Variants in APBA2 observed in about 807,000 individuals in gnomAD.
The protein encoded by APBA2 is amyloid-beta A4 precursor protein-binding family A member 2.
In APBA2, 30 loss-of-function variants were observed where a neutral mutation model predicts 75.0. The observed-to-expected ratio is 0.40, with a 90% CI of 0.30 to 0.54. The LOEUF is 0.54. Among genes scored for constraint, APBA2 ranks in the 20% least tolerant of loss-of-function variants. APBA2 has a pLI of 0.49. For missense variants in APBA2, 801 were observed against 1,016.1 expected, an observed-to-expected ratio of 0.79 and a Z score of 2.88; for synonymous variants, 444 against 409.6, an observed-to-expected ratio of 1.08 and a Z score of -1.01.
At chr15:28,958,612 C>T (rs565553228) in intron 2 of APBA2, among the ~76,000 whole-genome samples, 7 of 152,264 alleles carry the variant, frequency 4.6e-5, no homozygotes, top group African/African-American at 1.4e-4. Context: ...CTGGCTTGTG[C>T]GTGTCTGAGG....
intron 5 of APBA2, among the ~76,000 whole-genome samples, chr15:29,075,477 A>G (rs2042810994): frequency 6.6e-6 from 1 of 152,056 alleles, no homozygotes; most frequent in Non-Finnish European, 1.5e-5. Flanking sequence ...CCCCATCCCC[A>G]TCCCTGATTT....
At chr15:29,076,162 T>A (rs2042840789) in intron 6 of APBA2, 71 bp downstream of exon 6, 2 of 1,511,976 alleles carry the variant, frequency 1.3e-6, no homozygotes, top group African/African-American at 2.7e-5. Context: ...TGCTTTTAGT[T>A]TGGGCATTCA....
chr15:29,025,961 A>AG (rs1325480279), intron 3 of APBA2, among the ~76,000 whole-genome samples: 2 of 144,600 alleles, frequency 1.4e-5, no homozygotes, highest in African/African-American at 4.9e-5. Flanking sequence ...AAAAAAAAAA[A>AG]AAAAGAAAAG....
At chr15:28,928,464 G>T (rs1429955383) in intron 2 of APBA2, among the ~76,000 whole-genome samples, 4 of 152,150 alleles carry the variant, frequency 2.6e-5, no homozygotes. Context: ...TGTTGGTGTA[G>T]TTGTAGGGTG....
chr15:28,890,944 A>T (rs1226117119), intron 1 of APBA2, among the ~76,000 whole-genome samples: 1 of 152,152 alleles, frequency 6.6e-6, no homozygotes, highest in African/African-American at 2.4e-5. Flanking sequence ...GCACGTCATA[A>T]ACTCTAAGGG....
chr15:28,888,055 CCTTG>C (rs1210054936), intron 1 of APBA2, among the ~76,000 whole-genome samples: 1 of 152,168 alleles, frequency 6.6e-6, no homozygotes, highest in Admixed American at 6.5e-5. Context: ...TTCTCTTCCA[CCTTG>C]CATGTTTTCT....
rs528118954 is a variant in APBA2 at position 28,926,240 on chromosome 15, A to G, written c.-95+4491A>G. Among the ~76,000 whole-genome samples, 3 of 152,138 alleles carry G rather than the reference A, an allele frequency of 2.0e-5. No individual in the cohort carries two copies. The East Asian group carries it at 5.8e-4, about 29-fold the overall frequency. ...TAACTGTCTTCTGTACTTGCCAGAG[A>G]CTTCTTTTTCTCTCTCCTCTGGTTT... On this transcript the variant is annotated intron_variant, in intron 2 of 14. Coordinates refer to ENST00000683413, the MANE Select transcript of APBA2 (RefSeq NM_001353788.2).
chr15:28,940,916 T>C (rs560669972), intron 2 of APBA2, among the ~76,000 whole-genome samples: 1 of 152,254 alleles, frequency 6.6e-6, no homozygotes, highest in African/African-American at 2.4e-5. Flanking sequence ...TCCACGAGGA[T>C]AGTGTTAAAA....
intron 2 of APBA2, among the ~76,000 whole-genome samples, chr15:28,940,716 T>C (rs60881862): frequency 2.6e-5 from 4 of 152,150 alleles, no homozygotes; most frequent in African/African-American, 9.6e-5. Context: ...TGTCTTGAAA[T>C]TCAGTTTTCT....
At chr15:29,012,722 C>T (rs1409333947) in intron 3 of APBA2, among the ~76,000 whole-genome samples, 1 of 152,138 alleles carries the variant, frequency 6.6e-6, no homozygotes, top group Non-Finnish European at 1.5e-5. Context: ...GTGGACTCAC[C>T]CCTCTGTGTT....
chr15:29,051,722 A>T (rs1369470847), intron 3 of APBA2, among the ~76,000 whole-genome samples: 1 of 152,032 alleles, frequency 6.6e-6, no homozygotes, highest in Non-Finnish European at 1.5e-5. Context: ...CTCTGGGGGG[A>T]TACACAATAT....
intron 3 of APBA2, among the ~76,000 whole-genome samples, chr15:29,024,417 C>A (rs1278783936): frequency 6.6e-6 from 1 of 152,148 alleles, no homozygotes; most frequent in African/African-American, 2.4e-5. Context: ...GTTTCTTTAC[C>A]AGGGCCTGGT....
chr15:28,937,982 G>C (rs1254260710), intron 2 of APBA2, among the ~76,000 whole-genome samples: 1 of 152,178 alleles, frequency 6.6e-6, no homozygotes. Flanking sequence ...TCGTTCATTA[G>C]AAGTAAGTCA....
intron 10 of APBA2, chr15:29,102,389 T>G (rs1472373769): frequency 1.3e-5 from 2 of 158,004 alleles, no homozygotes; most frequent in African/African-American, 2.4e-5. Flanking sequence ...TGGAGGCTGA[T>G]CTTACTCACA....
intron 2 of APBA2, among the ~76,000 whole-genome samples, chr15:28,965,338 C>G (rs2036684690): frequency 6.6e-6 from 1 of 152,124 alleles, no homozygotes. Flanking sequence ...ATCTCTGTGT[C>G]TCTCCCTTTG....
At chr15:28,982,000 A>G (rs2037648155) in intron 2 of APBA2, among the ~76,000 whole-genome samples, 1 of 152,192 alleles carries the variant, frequency 6.6e-6, no homozygotes, top group Admixed American at 6.5e-5. Context: ...GGACTACTAG[A>G]GGGCAGAGGG....
At chr15:28,910,951 A>G (rs144151255) in intron 1 of APBA2, among the ~76,000 whole-genome samples, 163 of 152,252 alleles carry the variant, frequency 1.1e-3, no homozygotes, top group African/African-American at 3.8e-3. Flanking sequence ...ATACGGTGTT[A>G]TTCTTTTCCA....
intron 1 of APBA2, among the ~76,000 whole-genome samples, chr15:28,894,535 G>A (rs1186155461): frequency 6.6e-6 from 1 of 152,132 alleles, no homozygotes; most frequent in African/African-American, 2.4e-5. Flanking sequence ...GGCCAGAAGA[G>A]CCCTCCAGGC....
chr15:29,044,605 C>G (rs189139027), intron 3 of APBA2, among the ~76,000 whole-genome samples: 4 of 152,052 alleles, frequency 2.6e-5, no homozygotes, highest in East Asian at 1.9e-4. Context: ...GGCCACACCC[C>G]CCCTGGGCTC....
Sources: allele counts gnomAD v4.1 joint callset (sites outside exome capture counted in the v4.1 genomes callset), GRCh38; gene constraint gnomAD v4.1.1; transcripts MANE v1.5; gene names NCBI Gene and HGNC (gene_info 2026-07-23, HGNC 2026-07-21).